The following CACNA2D3 variants were observed in gnomAD, a reference collection of about 807,000 sequenced individuals.
CACNA2D3 encodes the protein voltage-dependent calcium channel subunit alpha-2/delta-3.
Under a neutral mutation model 160.6 loss-of-function variants are expected in CACNA2D3, and 60 were observed. The ratio of observed to expected loss-of-function variants is 0.37; its 90% CI spans 0.30 to 0.46. The LOEUF (loss-of-function observed/expected upper bound fraction) is 0.46, where lower values mean the gene tolerates loss of function less well. Ranked by LOEUF, CACNA2D3 falls within the 20% of genes least tolerant of loss-of-function variation. The pLI, the probability that CACNA2D3 is intolerant of heterozygous loss-of-function variation, is 1.00. For missense variants in CACNA2D3, 1,205 were observed against 1,365.0 expected, an observed-to-expected ratio of 0.88 and a Z score of 1.85; for synonymous variants, 558 against 492.9, an observed-to-expected ratio of 1.13 and a Z score of -1.75.
intron 3 of CACNA2D3, among the ~76,000 whole-genome samples, chr3:54,329,248 C>T (rs372572963): frequency 2.0e-5 from 3 of 152,198 alleles, no homozygotes; most frequent in South Asian, 2.1e-4. Context: ...TTTCTTGTCC[C>T]AACTTGCCTT....
At chr3:54,806,320 A>G (rs1176311387) in intron 13 of CACNA2D3, among the ~76,000 whole-genome samples, 1 of 152,140 alleles carries the variant, frequency 6.6e-6, no homozygotes, top group African/African-American at 2.4e-5. Context: ...TCTCAGCCCA[A>G]AATCTCCTTA....
rs574532071 is a variant in CACNA2D3 at position 54,338,193 on chromosome 3, G to A, written c.321+17635G>A. The stretch of plus-strand genomic sequence containing the variant: ...ACAGCAATCACTGGCGCACAAAGGC[G>A]CTGCAGTAAGAAAACATTTGGGAAC... On this transcript the variant is annotated intron_variant, in intron 3 of 37. Transcript: ENST00000474759. 2.6e-5 allele frequency among the ~76,000 whole-genome samples: 4 copies of A among 152,332 alleles called. No individual in the cohort carries two copies. In the South Asian group the frequency reaches 8.3e-4, roughly 32 times the overall value.
intron 13 of CACNA2D3, among the ~76,000 whole-genome samples, chr3:54,799,948 C>T (rs1337801796): frequency 6.6e-6 from 1 of 152,172 alleles, no homozygotes; most frequent in Non-Finnish European, 1.5e-5. Context: ...ATAGTGTTTC[C>T]TTATATAGAC....
chr3:54,814,710 A>C (rs920264144), intron 13 of CACNA2D3, among the ~76,000 whole-genome samples: 2 of 152,222 alleles, frequency 1.3e-5, no homozygotes, highest in Non-Finnish European at 1.5e-5. Flanking sequence ...AACTGAGGAC[A>C]TCACCACAAA....
At chr3:54,509,841 A>C (rs1461718606) in intron 5 of CACNA2D3, among the ~76,000 whole-genome samples, 1 of 152,220 alleles carries the variant, frequency 6.6e-6, no homozygotes, top group Non-Finnish European at 1.5e-5. Flanking sequence ...CTTAAAATTC[A>C]CAAGTTGAGT....
intron 4 of CACNA2D3, among the ~76,000 whole-genome samples, chr3:54,410,645 T>C: frequency 6.6e-6 from 1 of 152,178 alleles, no homozygotes; most frequent in Non-Finnish European, 1.5e-5. Flanking sequence ...AAAGGATTCC[T>C]TTCAAAATGT....
At chr3:54,523,972 A>C (rs1027528122) in intron 5 of CACNA2D3, among the ~76,000 whole-genome samples, 3 of 151,646 alleles carry the variant, frequency 2.0e-5, no homozygotes, top group African/African-American at 7.3e-5. Context: ...GATTTTCTCA[A>C]ATATTTTTTT....
intron 27 of CACNA2D3, among the ~76,000 whole-genome samples, chr3:54,912,026 A>G (rs913766467): frequency 3.9e-5 from 6 of 152,002 alleles, no homozygotes; most frequent in Non-Finnish European, 8.8e-5. Context: ...AGGGTTGCGG[A>G]CTCATCTGAA....
intron 20 of CACNA2D3, among the ~76,000 whole-genome samples, chr3:54,880,476 C>A (rs138820957): frequency 5.3e-5 from 8 of 152,278 alleles, no homozygotes; most frequent in African/African-American, 1.7e-4. Context: ...GTATAAAGAG[C>A]AGGGCTCATG....
At chr3:54,408,627 C>A (rs1337418230) in intron 4 of CACNA2D3, among the ~76,000 whole-genome samples, 1 of 152,124 alleles carries the variant, frequency 6.6e-6, no homozygotes, top group Non-Finnish European at 1.5e-5. Context: ...ACTGTTCTGC[C>A]ATTGCCCAGT....
chr3:54,878,793 C>G (rs1359510521), intron 18 of CACNA2D3: 2 of 388,208 alleles, frequency 5.2e-6, no homozygotes, highest in African/African-American at 4.2e-5. Flanking sequence ...TGTTATTGTC[C>G]TGAAGTTTAC....
intron 9 of CACNA2D3, among the ~76,000 whole-genome samples, chr3:54,605,224 A>G (rs150055037): frequency 6.6e-6 from 1 of 152,300 alleles, no homozygotes; most frequent in Admixed American, 6.5e-5. Context: ...ATCTTAAGGC[A>G]GCTAATTACA....
In CACNA2D3 at chr3:54,626,684, CAAAAAAAAA is replaced by C. The variant is rs71096430; in HGVS notation, c.964-1086_964-1078del. 3.0e-3 allele frequency: 943 copies of C among 317,808 alleles called. 6 individuals carry two copies. Among genetic ancestry groups the C allele is most frequent in the African/African-American group, 3.8e-3 (83 of 21,574 alleles). 19.7% of individuals were successfully genotyped at this position (317,808 alleles called of 1,614,324 possible). ...TAATAAAGGCGCACATGGTTCCAGTCAAAAAAAAAAAAAAAAAAAAAAAAAGAAAGAAAA... is the reference window on the plus strand; with the variant it reads ...TAATAAAGGCGCACATGGTTCCAGTCAAAAAAAAAAAAAAAAGAAAGAAAA... On this transcript the variant is annotated intron_variant, in intron 9 of 37. Coordinates refer to ENST00000474759, the MANE Select transcript of CACNA2D3 (RefSeq NM_018398.3).
At chr3:54,277,370 T>G (rs1486813071) in intron 2 of CACNA2D3, among the ~76,000 whole-genome samples, 2 of 152,226 alleles carry the variant, frequency 1.3e-5, no homozygotes, top group Non-Finnish European at 2.9e-5. Context: ...CCCAACACCA[T>G]TTATTAAATA....
chr3:54,541,610 C>A (rs1701980279), intron 5 of CACNA2D3, among the ~76,000 whole-genome samples: 1 of 152,204 alleles, frequency 6.6e-6, no homozygotes, highest in Non-Finnish European at 1.5e-5. Context: ...CTTATTTAGA[C>A]ATGCTACAAA....
chr3:54,607,292 G>A (rs766463776), intron 9 of CACNA2D3, among the ~76,000 whole-genome samples: 6 of 152,088 alleles, frequency 3.9e-5, no homozygotes, highest in Non-Finnish European at 7.4e-5. Context: ...TCTGACTGTG[G>A]AATGGCTCCC....
intron 3 of CACNA2D3, among the ~76,000 whole-genome samples, chr3:54,360,850 C>T (rs1417874521): frequency 1.3e-5 from 2 of 152,040 alleles, no homozygotes; most frequent in Admixed American, 6.6e-5. Flanking sequence ...TTTATATGGT[C>T]CAATCAAGAC....
intron 9 of CACNA2D3, among the ~76,000 whole-genome samples, chr3:54,610,649 G>C (rs1224683658): frequency 1.3e-5 from 2 of 151,736 alleles, no homozygotes; most frequent in East Asian, 3.9e-4. Context: ...TTGAGATGGA[G>C]TTTCACTCTC....
In CACNA2D3 at chr3:54,593,351, C is replaced by T. The variant is rs116215926; in HGVS notation, c.963+11474C>T. Among the ~76,000 whole-genome samples the T allele has an allele frequency of 9.0e-3, 1,368 of 151,524 alleles. 18 individuals carry two copies. Among genetic ancestry groups the T allele is most frequent in the African/African-American group, 0.032 (1,312 of 41,304 alleles). On this transcript the variant is annotated intron_variant, in intron 9 of 37. Coordinates refer to ENST00000474759, the MANE Select transcript of CACNA2D3 (RefSeq NM_018398.3). ...ATGTAAATTTCAGAATAGTATGGTTCATGGCTTCTATTTTGTTTGCTTAAA... is the reference window on the plus strand; with the variant it reads ...ATGTAAATTTCAGAATAGTATGGTTTATGGCTTCTATTTTGTTTGCTTAAA...
Sources: gnomAD v4.1 joint callset for allele counts (sites outside exome capture counted in the v4.1 genomes callset) on GRCh38, gnomAD v4.1.1 for gene constraint, MANE v1.5 for transcripts, NCBI Gene and HGNC (gene_info 2026-07-23, HGNC 2026-07-21) for gene names.